MYRIP: variants seen among roughly 807,000 people sequenced by gnomAD.
MYRIP encodes rab effector MyRIP.
In MYRIP, 49 loss-of-function variants were observed where a neutral mutation model predicts 98.0. The ratio of observed to expected loss-of-function variants is 0.50; its 90% CI spans 0.40 to 0.63. The LOEUF (loss-of-function observed/expected upper bound fraction) is 0.63, where lower values mean the gene tolerates loss of function less well. Ranked by LOEUF, MYRIP falls within the 30% of genes least tolerant of loss-of-function variation. The probability of loss-of-function intolerance (pLI) is 0.00; values close to 1 mark genes in which losing one functional copy is unlikely to be tolerated. For missense variants in MYRIP, 1,004 were observed against 1,058.2 expected (o/e 0.95, Z 0.71); for synonymous variants, 404 against 409.5 (o/e 0.99, Z 0.16).
intron 1 of MYRIP, among the ~76,000 whole-genome samples, chr3:39,814,319 T>C (rs1292602587): frequency 6.6e-6 from 1 of 152,244 alleles, no homozygotes; most frequent in East Asian, 1.9e-4. Context: ...GCTTGGAATG[T>C]ATTTTACTGC....
intron 1 of MYRIP, among the ~76,000 whole-genome samples, chr3:39,880,708 C>T (rs931298213): frequency 2.0e-5 from 3 of 152,150 alleles, no homozygotes; most frequent in Non-Finnish European, 4.4e-5. Context: ...TGGATCAATA[C>T]ACATAAATAT....
At chr3:39,978,841 G>A (rs1945816133) in intron 2 of MYRIP, among the ~76,000 whole-genome samples, 1 of 148,478 alleles carries the variant, frequency 6.7e-6, no homozygotes, top group Non-Finnish European at 1.5e-5. Flanking sequence ...TTTTTTAAAT[G>A]TCACCAGAAT....
chr3:39,919,725 TGTGAGA>T lies in MYRIP; in HGVS notation c.110+18801_110+18806del, dbSNP rs1327245475. Among the ~76,000 whole-genome samples the T allele has an allele frequency of 8.6e-4, 124 of 143,942 alleles. No homozygotes were observed. In the East Asian group the frequency reaches 0.017, roughly 19 times the overall value. 94.4% of individuals were successfully genotyped at this position (143,942 alleles called of 152,430 possible). Reference sequence around the variant, plus strand: ...GTGTGTGTGTGTGTGTGTGTGTGTGTGTGAGAGAGAGAGAGAGAGAGAGAAATTCAT... The same window carrying T: ...GTGTGTGTGTGTGTGTGTGTGTGTGTGAGAGAGAGAGAGAGAGAAATTCAT... On this transcript the variant is annotated intron_variant, in intron 2 of 16. Coordinates refer to ENST00000302541, the MANE Select transcript of MYRIP (RefSeq NM_015460.4).
intron 1 of MYRIP, among the ~76,000 whole-genome samples, chr3:39,893,429 C>A (rs1002267699): frequency 6.6e-6 from 1 of 152,010 alleles, no homozygotes; most frequent in Non-Finnish European, 1.5e-5. Context: ...TGGTATTGTA[C>A]CACCTCTTGT....
At chr3:39,951,649 T>G (rs1482743129) in intron 2 of MYRIP, among the ~76,000 whole-genome samples, 9 of 152,124 alleles carry the variant, frequency 5.9e-5, no homozygotes, top group Admixed American at 5.9e-4. Flanking sequence ...GAAATATTAT[T>G]CTTTTGTTTT....
chr3:40,004,801 G>T (rs904574696), intron 2 of MYRIP, among the ~76,000 whole-genome samples: 23 of 152,246 alleles, frequency 1.5e-4, no homozygotes, highest in Non-Finnish European at 2.6e-4. Context: ...TGCTGTGAAT[G>T]CCGTTTCCAA....
intron 1 of MYRIP, among the ~76,000 whole-genome samples, chr3:39,868,990 G>A (rs1942705885): frequency 6.6e-6 from 1 of 152,122 alleles, no homozygotes; most frequent in Admixed American, 6.6e-5. Context: ...AAAATATTCT[G>A]TCTTTTCTTT....
chr3:40,088,971 G>C (rs1418719563), intron 3 of MYRIP, among the ~76,000 whole-genome samples: 1 of 151,938 alleles, frequency 6.6e-6, no homozygotes, highest in Admixed American at 6.6e-5. Context: ...GACACAGAGA[G>C]AGAGAGATCT....
chr3:39,872,685 G>A (rs2125632039), intron 1 of MYRIP, among the ~76,000 whole-genome samples: 1 of 151,988 alleles, frequency 6.6e-6, no homozygotes, highest in South Asian at 2.1e-4. Context: ...TTTTATGGCT[G>A]CATAGTATTC....
At chr3:40,044,329 C>T in intron 3 of MYRIP, 58 bp downstream of exon 3, 3 of 1,517,370 alleles carry the variant, frequency 2.0e-6, no homozygotes, top group South Asian at 2.3e-5. Context: ...ATTCACCTGC[C>T]ACTTCCTTCA....
chr3:39,829,256 T>C (rs1210728633), intron 1 of MYRIP, among the ~76,000 whole-genome samples: 1 of 152,226 alleles, frequency 6.6e-6, no homozygotes, highest in Non-Finnish European at 1.5e-5. Context: ...ACTGTAGAAT[T>C]ATTGTGTTTC....
intron 1 of MYRIP, among the ~76,000 whole-genome samples, chr3:39,845,852 C>CA (rs3062461): frequency 0.035 from 3,409 of 96,866 alleles, 132 homozygotes; most frequent in African/African-American, 0.094. Context: ...TTTCCCCTAC[C>CA]AAAAAAAAAA....
chr3:40,122,501 A>C (rs1210033544), intron 3 of MYRIP, among the ~76,000 whole-genome samples: 2 of 151,898 alleles, frequency 1.3e-5, no homozygotes, highest in East Asian at 3.9e-4. Context: ...ATTATCATAA[A>C]GATAATCATC....
intron 2 of MYRIP, among the ~76,000 whole-genome samples, chr3:39,938,045 C>T (rs567825837): frequency 1.1e-4 from 17 of 152,236 alleles, no homozygotes; most frequent in African/African-American, 3.6e-4. Flanking sequence ...AAGCAGGAAG[C>T]TTGGCATCTC....
intron 10 of MYRIP, among the ~76,000 whole-genome samples, chr3:40,194,107 T>C (rs984768771): frequency 2.0e-5 from 3 of 152,106 alleles, no homozygotes; most frequent in African/African-American, 4.8e-5. Flanking sequence ...AGTTATTTCC[T>C]TTATTATTTT....
chr3:39,892,493 A>C (rs1380211191), intron 1 of MYRIP, among the ~76,000 whole-genome samples: 2 of 152,204 alleles, frequency 1.3e-5, no homozygotes, highest in African/African-American at 4.8e-5. Flanking sequence ...ACATAAGTGC[A>C]TTGCTAGAAA....
At chr3:40,085,384 C>T (rs1948606109) in intron 3 of MYRIP, among the ~76,000 whole-genome samples, 1 of 152,160 alleles carries the variant, frequency 6.6e-6, no homozygotes, top group Admixed American at 6.5e-5. Flanking sequence ...TCTCCCCGGT[C>T]AAGTGATTCT....
intron 3 of MYRIP, among the ~76,000 whole-genome samples, chr3:40,116,391 T>C (rs1000285561): frequency 6.8e-6 from 1 of 146,954 alleles, no homozygotes; most frequent in African/African-American, 2.5e-5. Context: ...GATACTGCCA[T>C]CTTCAGAAAC....
intron 2 of MYRIP, among the ~76,000 whole-genome samples, chr3:39,996,189 C>T (rs1056225872): frequency 6.6e-6 from 1 of 152,116 alleles, no homozygotes; most frequent in African/African-American, 2.4e-5. Context: ...ACAATGTTAA[C>T]CTTAAATGTA....
Sources: gnomAD v4.1 joint callset for allele counts (sites outside exome capture counted in the v4.1 genomes callset) on GRCh38, gnomAD v4.1.1 for gene constraint, MANE v1.5 for transcripts, NCBI Gene and HGNC (gene_info 2026-07-23, HGNC 2026-07-21) for gene names.